The following PLD5 variants were observed in gnomAD, a reference collection of about 807,000 sequenced individuals.
PLD5 encodes the protein phospholipase D family member 5.
Under a neutral mutation model 61.1 loss-of-function variants are expected in PLD5, and 36 were observed. The observed-to-expected ratio is 0.59, with a 90% CI of 0.45 to 0.78. PLD5 has a LOEUF of 0.78. PLD5 is among the 30% of genes least tolerant of loss of function. The probability of loss-of-function intolerance (pLI) is 0.00; values close to 1 mark genes in which losing one functional copy is unlikely to be tolerated. For missense variants in PLD5, 515 were observed against 644.4 expected (o/e 0.80, Z 2.17); for synonymous variants, 243 against 242.8 (o/e 1.00, Z -0.01).
intron 1 of PLD5, among the ~76,000 whole-genome samples, chr1:242,397,470 G>GA (rs1444622527): frequency 6.6e-6 from 1 of 150,958 alleles, no homozygotes; most frequent in Non-Finnish European, 1.5e-5. Flanking sequence ...CATTATTAGA[G>GA]AAAAAATGTG....
intron 1 of PLD5, among the ~76,000 whole-genome samples, chr1:242,365,026 A>T (rs1661266728): frequency 6.6e-6 from 1 of 152,144 alleles, no homozygotes; most frequent in South Asian, 2.1e-4. Flanking sequence ...GAGAAACAGG[A>T]CATCACAGCA....
intron 1 of PLD5, among the ~76,000 whole-genome samples, chr1:242,491,506 A>G (rs903311535): frequency 1.6e-4 from 25 of 152,240 alleles, no homozygotes; most frequent in Admixed American, 4.6e-4. Context: ...TCAAAATTCA[A>G]TTCCATAAGA....
At chr1:242,301,722 G>A (rs540144585) in intron 2 of PLD5, among the ~76,000 whole-genome samples, 33 of 151,694 alleles carry the variant, frequency 2.2e-4, no homozygotes, top group African/African-American at 7.5e-4. Context: ...GTAACACTGT[G>A]TTTTTACAGA....
intron 1 of PLD5, among the ~76,000 whole-genome samples, chr1:242,467,361 C>A (rs1424535475): frequency 6.6e-6 from 1 of 152,110 alleles, no homozygotes; most frequent in African/African-American, 2.4e-5. Flanking sequence ...TTCTGGATAT[C>A]TTGAAGGTAG....
chr1:242,286,366 T>C (rs937290622), intron 3 of PLD5, among the ~76,000 whole-genome samples: 5 of 152,038 alleles, frequency 3.3e-5, no homozygotes, highest in Non-Finnish European at 7.4e-5. Flanking sequence ...ACGGGGAAAA[T>C]TGTAGTTCAG....
At position 242,102,190 on chromosome 1, in the gene PLD5, G is replaced by A. The variant is rs897275401; in HGVS notation, c.1240-1408C>T. Among the ~76,000 whole-genome samples the A allele has an allele frequency of 2.0e-5, 3 of 152,186 alleles. 1 individual carries two copies. The highest frequency in any genetic ancestry group is 1.3e-4 in the Admixed American group (2 of 15,276). ...ATAATATCACAACACGTGGCCACAC[G>A]TGTGACTGTTTCCTTTTGGGAAAGA... On this transcript the variant is annotated intron_variant, in intron 8 of 9. Transcript: ENST00000536534.
rs2148633994 is a variant in PLD5 at position 242,086,932 on chromosome 1, T to C, written c.*2922A>G. The C allele has an allele frequency of 6.6e-6, 1 of 152,092 alleles. No homozygotes were observed. The highest frequency in any genetic ancestry group is 2.1e-4 in the South Asian group (1 of 4,816). The allele number at this position is 152,092 out of a possible 1,614,324, so 9.4% of individuals were successfully genotyped here. On this transcript the variant is annotated 3_prime_UTR_variant, in exon 10 of 10. Coordinates refer to ENST00000536534, the MANE Select transcript of PLD5 (RefSeq NM_001372062.1). ...TCCACCAGAGGGTGTCAAATTAACC[T>C]GTTTTTGTTTTGCATTCTTTCCCTC...
rs1659558651 is a variant in PLD5 at position 242,088,171 on chromosome 1, A to G, written c.*1683T>C. The stretch of plus-strand genomic sequence containing the variant: ...GAGTGTTTCCTTGCTCTGAAAATAC[A>G]TGTATATTATGGTCCTGAAGAACCA... On this transcript the variant is annotated 3_prime_UTR_variant, in exon 10 of 10. Coordinates refer to ENST00000536534, the MANE Select transcript of PLD5 (RefSeq NM_001372062.1). 1 of 152,224 alleles carries G rather than the reference A, an allele frequency of 6.6e-6. No individual in the cohort carries two copies. Among genetic ancestry groups the G allele is most frequent in the Admixed American group, 6.5e-5 (1 of 15,286 alleles). 9.4% of individuals were successfully genotyped at this position (152,224 alleles called of 1,614,324 possible).
chr1:242,109,472 C>T (rs1217385807), intron 7 of PLD5, among the ~76,000 whole-genome samples: 1 of 152,006 alleles, frequency 6.6e-6, no homozygotes, highest in African/African-American at 2.4e-5. Flanking sequence ...AGCAAGACTC[C>T]ATCTCAAAAC....
intron 5 of PLD5, among the ~76,000 whole-genome samples, chr1:242,149,942 T>G (rs942693597): frequency 2.3e-4 from 35 of 151,814 alleles, no homozygotes; most frequent in Admixed American, 2.2e-3. Flanking sequence ...ATTTTATTAT[T>G]GAGACCTTCA....
intron 4 of PLD5, among the ~76,000 whole-genome samples, chr1:242,238,832 T>C (rs1671810379): frequency 6.6e-6 from 1 of 152,150 alleles, no homozygotes; most frequent in South Asian, 2.1e-4. Context: ...AGCAGGGACC[T>C]CAGGGAGAGT....
intron 2 of PLD5, among the ~76,000 whole-genome samples, chr1:242,298,988 C>T (rs1675876345): frequency 1.3e-5 from 2 of 151,610 alleles, no homozygotes; most frequent in Admixed American, 6.6e-5. Context: ...TTGACACTGT[C>T]CCCAAAGAGC....
chr1:242,233,285 G>C (rs906761123), intron 4 of PLD5, among the ~76,000 whole-genome samples: 1 of 152,198 alleles, frequency 6.6e-6, no homozygotes, highest in Non-Finnish European at 1.5e-5. Flanking sequence ...ATAAGGGACT[G>C]AGTCTCAGGG....
chr1:242,389,940 G>C (rs1033616157), intron 1 of PLD5, among the ~76,000 whole-genome samples: 1 of 151,870 alleles, frequency 6.6e-6, no homozygotes, highest in Non-Finnish European at 1.5e-5. Flanking sequence ...GAAATTCTTA[G>C]ACTCCACTAT....
chr1:242,128,852 G>T (rs1461685029), intron 5 of PLD5, among the ~76,000 whole-genome samples: 1 of 152,010 alleles, frequency 6.6e-6, no homozygotes, highest in African/African-American at 2.4e-5. Context: ...CCGAAGATTG[G>T]TATATTTCAT....
At chr1:242,243,115 C>G (rs1179289376) in intron 4 of PLD5, among the ~76,000 whole-genome samples, 1 of 152,236 alleles carries the variant, frequency 6.6e-6, no homozygotes, top group Non-Finnish European at 1.5e-5. Flanking sequence ...GGCTGCCAAA[C>G]AGACAGCTTG....
At chr1:242,242,744 G>C (rs1282760645) in intron 4 of PLD5, among the ~76,000 whole-genome samples, 1 of 152,150 alleles carries the variant, frequency 6.6e-6, no homozygotes, top group Admixed American at 6.5e-5. Context: ...CTATTAGTTG[G>C]AACTATCACT....
chr1:242,198,942 C>G (rs1472345522), intron 5 of PLD5, among the ~76,000 whole-genome samples: 1 of 151,950 alleles, frequency 6.6e-6, no homozygotes, highest in Non-Finnish European at 1.5e-5. Context: ...CCATGTTGGT[C>G]AGGCTGGTCT....
chr1:242,233,800 T>C (rs1304802105), intron 4 of PLD5, among the ~76,000 whole-genome samples: 1 of 152,182 alleles, frequency 6.6e-6, no homozygotes, highest in Non-Finnish European at 1.5e-5. Context: ...TAGCTGTGTG[T>C]GTCCCTCTCT....
Sources: gnomAD v4.1 joint callset for allele counts (sites outside exome capture counted in the v4.1 genomes callset) on GRCh38, gnomAD v4.1.1 for gene constraint, MANE v1.5 for transcripts, NCBI Gene and HGNC (gene_info 2026-07-23, HGNC 2026-07-21) for gene names.